PCDHGB4: variants seen among roughly 807,000 people sequenced by gnomAD.
PCDHGB4 encodes the protein protocadherin gamma-B4.
A neutral mutation model predicts 60.5 loss-of-function variants in PCDHGB4; 38 were observed. That is an observed-to-expected ratio of 0.63 (90% CI 0.48 to 0.82). The LOEUF (loss-of-function observed/expected upper bound fraction) is 0.82. Among genes scored for constraint, PCDHGB4 ranks in the 40% least tolerant of loss-of-function variants. The pLI, the probability that PCDHGB4 is intolerant of heterozygous loss-of-function variation, is 0.00. For missense variants in PCDHGB4, 1,109 were observed against 1,209.6 expected, an observed-to-expected ratio of 0.92 and a Z score of 1.23; for synonymous variants, 456 against 509.7, an observed-to-expected ratio of 0.89 and a Z score of 1.42.
chr5:141,399,672 C>T (rs1322373656), intron 1 of PCDHGB4: 1 of 1,613,510 alleles, frequency 6.2e-7, no homozygotes, highest in Admixed American at 1.7e-5. Context: ...CGCAGCGCGC[C>T]TTTGACTACG....
At chr5:141,419,796 T>C (rs1334397368) in intron 1 of PCDHGB4, 1 of 1,614,026 alleles carries the variant, frequency 6.2e-7, no homozygotes, top group Admixed American at 1.7e-5. Flanking sequence ...CTAGTCGCTG[T>C]AAGAGATGGA....
intron 1 of PCDHGB4, chr5:141,399,680 A>T: frequency 6.2e-7 from 1 of 1,613,514 alleles, no homozygotes; most frequent in Non-Finnish European, 8.5e-7. Context: ...GCCTTTGACT[A>T]CGAGCAGCTG....
intron 1 of PCDHGB4, chr5:141,433,153 A>G (rs896611410): frequency 3.1e-6 from 5 of 1,613,482 alleles, no homozygotes; most frequent in African/African-American, 2.7e-5. Flanking sequence ...GTGATTCGGT[A>G]TTTTCTAAAG....
At chr5:141,449,566 G>A (rs1235137244) in intron 1 of PCDHGB4, among the ~76,000 whole-genome samples, 4 of 147,126 alleles carry the variant, frequency 2.7e-5, no homozygotes, top group East Asian at 4.0e-4. Context: ...TCCAGCCTGG[G>A]CGACAGAGCA....
intron 1 of PCDHGB4, chr5:141,410,044 C>G: frequency 6.2e-7 from 1 of 1,613,184 alleles, no homozygotes; most frequent in Non-Finnish European, 8.5e-7. Flanking sequence ...CCAGTGAGCC[C>G]GGACTCTTCA....
chr5:141,403,080 A>G, intron 1 of PCDHGB4: 2 of 1,614,078 alleles, frequency 1.2e-6, no homozygotes, highest in Non-Finnish European at 1.7e-6. Flanking sequence ...GAAAAGGGCT[A>G]TATTGTGGGC....
chr5:141,421,751 C>T (rs751678934), intron 1 of PCDHGB4: 1 of 1,613,932 alleles, frequency 6.2e-7, no homozygotes, highest in South Asian at 1.1e-5. Context: ...CAGCTCAGCC[C>T]TAATAATTAC....
rs1014896576 is a variant in PCDHGB4, at chr5:141,512,427, C to T, written c.*1254C>T. 6.5e-6 allele frequency: 1 copy of T among 152,788 alleles called. No individual in the cohort carries two copies. Among genetic ancestry groups the T allele is most frequent in the African/African-American group, 2.4e-5 (1 of 41,460 alleles). The allele number at this position is 152,788 out of a possible 1,614,324, so 9.5% of individuals were successfully genotyped here. A position where few individuals can be genotyped will look rare whatever the true frequency, so the allele number is the denominator to read the frequency against. On this transcript the variant is annotated 3_prime_UTR_variant, in exon 4 of 4. Transcript: ENST00000519479. ...GGGCTTCTTCAACAGGGCCCCTGCC[C>T]TCCTGAAGCCTCAGTCCTTCACCTT...
At chr5:141,409,507 T>C (rs1220086382) in intron 1 of PCDHGB4, 3 of 1,613,982 alleles carry the variant, frequency 1.9e-6, no homozygotes, top group South Asian at 1.1e-5. Flanking sequence ...TTTCTTCCAG[T>C]AGAAGCATCA....
intron 1 of PCDHGB4, among the ~76,000 whole-genome samples, chr5:141,461,119 C>T (rs959427669): frequency 6.6e-6 from 1 of 152,016 alleles, no homozygotes; most frequent in Admixed American, 6.6e-5. Flanking sequence ...GTGTCTTTTT[C>T]ATATAATTAC....
At chr5:141,500,876 A>G (rs909126749) in intron 2 of PCDHGB4, among the ~76,000 whole-genome samples, 1 of 124,952 alleles carries the variant, frequency 8.0e-6, no homozygotes, top group African/African-American at 3.5e-5. Flanking sequence ...ATTCATTTAC[A>G]ATTTTTTTTT....
chr5:141,476,346 T>G lies in PCDHGB4; in HGVS notation c.2398-18461T>G, dbSNP rs1239836597. On this transcript the variant is annotated intron_variant, in intron 1 of 3. Coordinates refer to ENST00000519479, the MANE Select transcript of PCDHGB4 (RefSeq NM_003736.4). The surrounding 1 kb of genome is among the most constrained non-coding windows in gnomAD (Gnocchi z 7.6). The stretch of plus-strand genomic sequence containing the variant: ...GTGTCTGGAGCTAGCCGAAGATTCT[T>G]TGAGGTGAACCGGGAGACCGGAGAG... 2.5e-6 allele frequency: 4 copies of G among 1,613,932 alleles called. No individual in the cohort carries two copies. Among genetic ancestry groups the G allele is most frequent in the Non-Finnish European group, 3.4e-6 (4 of 1,180,022 alleles).
intron 1 of PCDHGB4, among the ~76,000 whole-genome samples, chr5:141,450,639 A>T (rs1390959433): frequency 6.6e-6 from 1 of 151,390 alleles, no homozygotes; most frequent in Non-Finnish European, 1.5e-5. Flanking sequence ...GATGCCTGCC[A>T]CCATGCCTGG....
chr5:141,410,186 C>G, intron 1 of PCDHGB4: 1 of 1,613,940 alleles, frequency 6.2e-7, no homozygotes, highest in Non-Finnish European at 8.5e-7. Flanking sequence ...CACGCTTCAT[C>G]TGGTCTTCGC....
Position 141,512,931 on chromosome 5 carries a change from C to T in PCDHGB4, c.*1758C>T, listed in dbSNP as rs2099884512. On this transcript the variant is annotated 3_prime_UTR_variant, in exon 4 of 4. Transcript: ENST00000519479. ...GTTTTATACTCTAATATTTATATGG[C>T]TTTTTTTCTTCGACAAAAAAATAAT... The T allele has an allele frequency of 6.6e-6, 1 of 152,006 alleles. No homozygotes were observed. The highest frequency in any genetic ancestry group is 2.4e-5 in the African/African-American group (1 of 41,414). The allele number at this position is 152,006 out of a possible 1,614,324, so 9.4% of individuals were successfully genotyped here.
At chr5:141,464,862 C>T (rs1166573359) in intron 1 of PCDHGB4, among the ~76,000 whole-genome samples, 1 of 152,076 alleles carries the variant, frequency 6.6e-6, no homozygotes, top group African/African-American at 2.4e-5. Context: ...CCTTAGCCTC[C>T]CAAGTAGCTA....
In PCDHGB4 at chr5:141,476,715, G is replaced by A. The variant is rs199871912; in HGVS notation, c.2398-18092G>A. 12 of 1,614,168 alleles carry A rather than the reference G, an allele frequency of 7.4e-6. No individual in the cohort carries two copies. The highest frequency in any genetic ancestry group is 1.7e-5 in the Admixed American group (1 of 60,032). On this transcript the variant is annotated intron_variant, in intron 1 of 3. Coordinates refer to ENST00000519479, the MANE Select transcript of PCDHGB4 (RefSeq NM_003736.4). The surrounding 1 kb of genome is among the most constrained non-coding windows in gnomAD (Gnocchi z 7.6). ...AAGTACGCGGAGCTGGTGTTGGAGC[G>A]CGCCCTGGACCGAGAACGGGAGCCT...
intron 1 of PCDHGB4, chr5:141,417,252 G>C (rs2096099745): frequency 6.6e-6 from 1 of 152,148 alleles, no homozygotes; most frequent in Admixed American, 6.5e-5. Context: ...AGTACTTCCA[G>C]CTTCATAGAT....
At chr5:141,474,447 G>A (rs1263877262) in intron 1 of PCDHGB4, among the ~76,000 whole-genome samples, 1 of 152,218 alleles carries the variant, frequency 6.6e-6, no homozygotes, top group Non-Finnish European at 1.5e-5. Flanking sequence ...AGTAGCAAGT[G>A]ATTGGGCTAT....
Sources: gnomAD v4.1 joint callset for allele counts (sites outside exome capture counted in the v4.1 genomes callset) on GRCh38, gnomAD v4.1.1 for gene constraint, Gnocchi (gnomAD v3.1) non-coding constraint, MANE v1.5 for transcripts, NCBI Gene and HGNC (gene_info 2026-07-23, HGNC 2026-07-21) for gene names.